The following KLHL38 variants were observed in gnomAD, a reference collection of about 807,000 sequenced individuals.
The protein encoded by KLHL38 is kelch-like protein 38.
In KLHL38, 38 loss-of-function variants were observed where a neutral mutation model predicts 39.6. The observed-to-expected ratio is 0.96, with a 90% CI of 0.74 to 1.26. The LOEUF is 1.26. Among genes scored for constraint, KLHL38 ranks in the 50% most tolerant of loss-of-function variants. The pLI is 0.00. For missense variants in KLHL38, 803 were observed against 748.1 expected, an observed-to-expected ratio of 1.07 and a Z score of -0.86; for synonymous variants, 322 against 302.2, an observed-to-expected ratio of 1.07 and a Z score of -0.68.
At chr8:123,651,401 T>A (rs534379422) in intron 2 of KLHL38, among the ~76,000 whole-genome samples, 176 bp downstream of exon 2, 1 of 152,382 alleles carries the variant, frequency 6.6e-6, no homozygotes, top group African/African-American at 2.4e-5. Context: ...TGCATATATG[T>A]GTGCACGCAT....
At chr8:123,647,932 T>A (rs1818690246) in intron 2 of KLHL38, among the ~76,000 whole-genome samples, 1 of 151,856 alleles carries the variant, frequency 6.6e-6, no homozygotes, top group African/African-American at 2.4e-5. Context: ...ACAAAAAAAA[T>A]TAGCTGCGTG....
In KLHL38 at chr8:123,651,220, C is replaced by T. The variant is rs143326876; in HGVS notation, c.1350+357G>A. Among the ~76,000 whole-genome samples, 18 of 151,964 alleles carry T rather than the reference C, an allele frequency of 1.2e-4. No homozygotes were observed. In the East Asian group the frequency reaches 2.5e-3, roughly 21 times the overall value. ...ACATGTGTGTGCATGTATGCATGTACGTATTTGTGTTCGTGCATATGTATA... is the reference window on the plus strand; with the variant it reads ...ACATGTGTGTGCATGTATGCATGTATGTATTTGTGTTCGTGCATATGTATA... On this transcript the variant is annotated intron_variant, in intron 2 of 3. Coordinates refer to ENST00000684634, the MANE Select transcript of KLHL38 (RefSeq NM_001081675.3).
chr8:123,645,167 G>A lies in KLHL38; in HGVS notation c.*572C>T, dbSNP rs776640547. Among the ~76,000 whole-genome samples, 1 of 152,082 alleles carries A rather than the reference G, an allele frequency of 6.6e-6. No homozygotes were observed. The highest frequency in any genetic ancestry group is 1.5e-5 in the Non-Finnish European group (1 of 67,998). ...GACAGAAAGGAGACAGGCCAGGCGT[G>A]GTGGCTCACGCCTGTAATCTCAGCA... On this transcript the variant is annotated 3_prime_UTR_variant, in exon 4 of 4. Coordinates refer to ENST00000684634, the MANE Select transcript of KLHL38 (RefSeq NM_001081675.3).
intron 2 of KLHL38, among the ~76,000 whole-genome samples, chr8:123,648,290 A>G (rs757403075): frequency 1.6e-4 from 24 of 152,180 alleles, no homozygotes; most frequent in Non-Finnish European, 2.4e-4. Context: ...CCAAGCCCAG[A>G]ATCCATGCTC....
chr8:123,651,280 T>G (rs897099682), intron 2 of KLHL38, among the ~76,000 whole-genome samples: 1 of 152,012 alleles, frequency 6.6e-6, no homozygotes, highest in Non-Finnish European at 1.5e-5. Flanking sequence ...TATGTAAATG[T>G]GTGTATGCAT....
At chr8:123,651,421 T>A in intron 2 of KLHL38, among the ~76,000 whole-genome samples, 156 bp downstream of exon 2, 1 of 152,230 alleles carries the variant, frequency 6.6e-6, no homozygotes, top group Middle Eastern at 3.2e-3. Flanking sequence ...TGTATGCATA[T>A]GTGTGTTTGT....
chr8:123,645,799 C>T lies in KLHL38; in HGVS notation c.1686G>A (p.Lys562=). ...TWTSQGQLPH[K]LFDHACLTLQ... ...GAGTGAGGCAGGCATGGTCAAAGAG[C>T]TTGTGCGGCAGCTGTCCCTGGGATG... The change falls in exon 4 of 4, where the codon AAG becomes AAA. Residue 562 remains lysine, a synonymous_variant. Transcript: ENST00000684634. 1 of 1,613,548 alleles carries T rather than the reference C, an allele frequency of 6.2e-7. No homozygotes were observed. The highest frequency in any genetic ancestry group is 8.5e-7 in the Non-Finnish European group (1 of 1,179,976).
intron 3 of KLHL38, 52 bp downstream of exon 3, chr8:123,646,857 A>T: frequency 2.3e-6 from 3 of 1,290,050 alleles, no homozygotes; most frequent in Admixed American, 2.0e-5. Context: ...CCTTTTTTCC[A>T]TAGAAGGTGC....
At chr8:123,647,597 C>G (rs1023340228) in intron 2 of KLHL38, among the ~76,000 whole-genome samples, 1 of 152,094 alleles carries the variant, frequency 6.6e-6, no homozygotes, top group Non-Finnish European at 1.5e-5. Context: ...TCAACACCCC[C>G]GAAACATGTT....
rs574891864 is a variant in KLHL38 at position 123,644,832 on chromosome 8, T to A, written c.*907A>T. Reference sequence around the variant, plus strand: ...CAGTGATTGGCTCAAGAGGTAGACATGGAATTCAAAAGAGGCCCATAAGCA... The same window carrying A: ...CAGTGATTGGCTCAAGAGGTAGACAAGGAATTCAAAAGAGGCCCATAAGCA... On this transcript the variant is annotated 3_prime_UTR_variant, in exon 4 of 4. Coordinates refer to ENST00000684634, the MANE Select transcript of KLHL38 (RefSeq NM_001081675.3). Among the ~76,000 whole-genome samples, 1 of 152,282 alleles carries A rather than the reference T, an allele frequency of 6.6e-6. No homozygotes were observed. Among genetic ancestry groups the A allele is most frequent in the African/African-American group, 2.4e-5 (1 of 41,560 alleles).
In KLHL38 at chr8:123,652,638, C is replaced by T. The variant is rs1249571966; in HGVS notation, c.289G>A (p.Ala97Thr). ...AGGACATTGTCAGTGGCAATATGTG[C>T]CTCCCCCGTATACACGTAGGAGACG... ...QIVSYVYTGE[A>T]HIATDNVLPV... Residue 97 changes from alanine to threonine, a missense_variant, in exon 2 of 4, where the codon GCA (alanine) becomes ACA (threonine). Coordinates refer to ENST00000684634, the MANE Select transcript of KLHL38 (RefSeq NM_001081675.3). 2 of 1,614,206 alleles carry T rather than the reference C, an allele frequency of 1.2e-6. No individual in the cohort carries two copies. The highest frequency in any genetic ancestry group is 1.1e-5 in the South Asian group (1 of 91,088).
Position 123,645,580 on chromosome 8 carries a change from G to C in KLHL38, c.*159C>G. ...AGAGAGGCAGAGAAGGAGAGAGAGAGTTCTGGCAATGCAATGCCTAGTTCC... is the reference window on the plus strand; with the variant it reads ...AGAGAGGCAGAGAAGGAGAGAGAGACTTCTGGCAATGCAATGCCTAGTTCC... On this transcript the variant is annotated 3_prime_UTR_variant, in exon 4 of 4. Coordinates refer to ENST00000684634, the MANE Select transcript of KLHL38 (RefSeq NM_001081675.3). The C allele has an allele frequency of 1.5e-6, 1 of 662,944 alleles. No individual in the cohort carries two copies. The highest frequency in any genetic ancestry group is 2.6e-6 in the Non-Finnish European group (1 of 387,338). 41.1% of individuals were successfully genotyped at this position (662,944 alleles called of 1,614,324 possible).
intron 2 of KLHL38, 139 bp from the exon 3 acceptor site, chr8:123,647,153 G>T: frequency 4.8e-6 from 3 of 624,222 alleles, no homozygotes; most frequent in Non-Finnish European, 8.7e-6. Flanking sequence ...TGTAGCTATT[G>T]TTAATAAACA....
At position 123,645,505 on chromosome 8, in the gene KLHL38, A is replaced by G; in HGVS notation, c.*234T>C. On this transcript the variant is annotated 3_prime_UTR_variant, in exon 4 of 4. Transcript: ENST00000684634. ...ACAGACAGAGATAGGGGAGAGAAAG[A>G]AAGAAGGGGGAAAGACAGAGACAGA... 1.8e-6 allele frequency: 1 copy of G among 557,470 alleles called. No individual in the cohort carries two copies. The highest frequency in any genetic ancestry group is 3.2e-6 in the Non-Finnish European group (1 of 314,518). 34.5% of individuals were successfully genotyped at this position (557,470 alleles called of 1,614,324 possible).
chr8:123,652,678 T>TG lies in KLHL38; in HGVS notation c.248dup (p.Thr84AsnfsTer19), dbSNP rs769840176. 36 of 1,614,118 alleles carry TG rather than the reference T, an allele frequency of 2.2e-5. No individual in the cohort carries two copies. Among genetic ancestry groups the TG allele is most frequent in the South Asian group, 4.4e-5 (4 of 91,074 alleles). On this transcript the variant is annotated frameshift_variant, in exon 2 of 4. Coordinates refer to ENST00000684634, the MANE Select transcript of KLHL38 (RefSeq NM_001081675.3). LOFTEE classifies it high-confidence loss of function. ...CGTAGGAGACGATCTGGTCCAGGGT[T>TG]GGGGGGTCAATGCCTTTCAGCTGCA...
chr8:123,651,874 G>T lies in KLHL38; in HGVS notation c.1053C>A (p.His351Gln). The change falls in exon 2 of 4, where the codon CAC (histidine) becomes CAA (glutamine). Residue 351 changes from histidine to glutamine, a missense_variant. His to Gln is a conservative substitution (Grantham distance 24). Transcript: ENST00000684634. ...GTTTCAGGGAGAAGATGTAGACATT[G>T]TGACTGACCAGACTCCTCCCTGAGC... ...AVSSGRSLVS[H>Q]NVYIFSLKLN... is the part of the protein sequence containing the mutation. The T allele has an allele frequency of 6.2e-7, 1 of 1,614,156 alleles. No individual in the cohort carries two copies. The highest frequency in any genetic ancestry group is 8.5e-7 in the Non-Finnish European group (1 of 1,179,990).
rs56194946 is a variant in KLHL38, at chr8:123,645,035, T to TGAGAGA, written c.*698_*703dup. On this transcript the variant is annotated 3_prime_UTR_variant, in exon 4 of 4. Transcript: ENST00000684634. ...AGAGAGAGGAAGACAGAGGGGAGAC[T>TGAGAGA]GAGAGAGAGAGAGAGAGAGAGGGGC... 0.39 allele frequency among the ~76,000 whole-genome samples: 55,321 copies of TGAGAGA among 142,936 alleles called. 10,898 individuals are homozygous for TGAGAGA. The highest frequency in any genetic ancestry group is 0.49 in the African/African-American group (18,975 of 38,894). 93.8% of individuals were successfully genotyped at this position (142,936 alleles called of 152,430 possible).
chr8:123,647,076 G>T (rs1041164690), intron 2 of KLHL38, 62 bp from the exon 3 acceptor site: 1 of 981,996 alleles, frequency 1.0e-6, no homozygotes, highest in South Asian at 1.4e-5. Flanking sequence ...AAAAAAGACA[G>T]AAGTAGTAAT....
rs374991711 is a variant in KLHL38 at position 123,651,697 on chromosome 8, G to A, written c.1230C>T (p.Val410=). The A allele has an allele frequency of 8.1e-6, 13 of 1,614,212 alleles. No individual in the cohort carries two copies. Among genetic ancestry groups the A allele is most frequent in the Non-Finnish European group, 1.0e-5 (12 of 1,180,044 alleles). The part of the protein sequence containing the change: ...SMERYDSICN[V]WESMASMPVG... ...CGGGCATGCTGGCCATACTCTCCCA[G>A]ACATTGCAGATGCTGTCATACCTTT... is the stretch of plus-strand genomic sequence containing the variant. The change falls in exon 2 of 4, where the codon GTC becomes GTT. Residue 410 remains valine (V), a synonymous_variant. Coordinates refer to ENST00000684634, the MANE Select transcript of KLHL38 (RefSeq NM_001081675.3).
Sources: gnomAD v4.1 joint callset for allele counts (sites outside exome capture counted in the v4.1 genomes callset) on GRCh38, gnomAD v4.1.1 for gene constraint, MANE v1.5 for transcripts, NCBI Gene and HGNC (gene_info 2026-07-23, HGNC 2026-07-21) for gene names.